Variants in PTPRT observed in about 807,000 individuals in gnomAD.
PTPRT encodes receptor-type tyrosine-protein phosphatase T.
In PTPRT, 56 loss-of-function variants were observed where a neutral mutation model predicts 176.8. The ratio of observed to expected loss-of-function variants is 0.32; its 90% CI spans 0.26 to 0.40. PTPRT has a LOEUF of 0.40. PTPRT is among the 10% of genes least tolerant of loss of function. PTPRT has a pLI of 1.00. For synonymous variants in PTPRT, 783 were observed against 739.0 expected (o/e 1.06, Z -0.96); for missense variants, 1,540 against 1,908.2 (o/e 0.81, Z 3.60).
chr20:43,165,695 G>A (rs1266204073), intron 1 of PTPRT, among the ~76,000 whole-genome samples: 1 of 152,162 alleles, frequency 6.6e-6, no homozygotes, highest in Non-Finnish European at 1.5e-5. Context: ...CAACAGTTTC[G>A]GCTTGGGGCT....
intron 23 of PTPRT, among the ~76,000 whole-genome samples, chr20:42,108,174 G>A (rs773158626): frequency 5.9e-5 from 9 of 152,088 alleles, no homozygotes; most frequent in South Asian, 2.1e-4. Context: ...CCTAGTGTCC[G>A]TTTGTTTGTT....
intron 1 of PTPRT, among the ~76,000 whole-genome samples, chr20:43,051,996 G>T (rs1490422355): frequency 6.6e-6 from 1 of 152,202 alleles, no homozygotes; most frequent in Non-Finnish European, 1.5e-5. Flanking sequence ...AAGAATAAAT[G>T]TGAATGAATG....
chr20:42,885,167 A>G (rs2079082537), intron 2 of PTPRT, among the ~76,000 whole-genome samples: 1 of 147,440 alleles, frequency 6.8e-6, no homozygotes, highest in Non-Finnish European at 1.5e-5. Flanking sequence ...ATAATAATAT[A>G]TTATATAATA....
chr20:43,033,270 T>C (rs1225365272), intron 1 of PTPRT, among the ~76,000 whole-genome samples: 1 of 152,198 alleles, frequency 6.6e-6, no homozygotes, highest in African/African-American at 2.4e-5. Context: ...TGGGTCTCTC[T>C]CCTGATGGTC....
intron 1 of PTPRT, among the ~76,000 whole-genome samples, chr20:43,065,230 CA>C (rs1987639053): frequency 6.6e-6 from 1 of 152,212 alleles, no homozygotes; most frequent in Non-Finnish European, 1.5e-5. Flanking sequence ...GTTCATGCCA[CA>C]GTCCAATATA....
rs558050301 is a variant in PTPRT at position 42,724,634 on chromosome 20, G to T, written c.859+31828C>A. Among the ~76,000 whole-genome samples the T allele has an allele frequency of 2.6e-5, 4 of 152,220 alleles. No individual in the cohort carries two copies. The East Asian group carries it at 7.7e-4, about 29-fold the overall frequency. On this transcript the variant is annotated intron_variant, in intron 6 of 30. Coordinates refer to ENST00000373187, the MANE Select transcript of PTPRT (RefSeq NM_007050.6). ...TTTCCTCAATTCTGCTCATATCCCT[G>T]TAAATAATCTCTTCATGCCTAGACA... is the stretch of plus-strand genomic sequence containing the variant.
intron 11 of PTPRT, among the ~76,000 whole-genome samples, 156 bp downstream of exon 11, chr20:42,350,472 T>C (rs2058266759): frequency 6.6e-6 from 1 of 152,160 alleles, no homozygotes; most frequent in Non-Finnish European, 1.5e-5. Flanking sequence ...GGGGCTCCCT[T>C]TGAACTGGGC....
intron 16 of PTPRT, among the ~76,000 whole-genome samples, chr20:42,170,391 C>A (rs79021269): frequency 6.6e-6 from 1 of 151,834 alleles, no homozygotes; most frequent in Non-Finnish European, 1.5e-5. Flanking sequence ...AAACGAAATG[C>A]GAGAAAAGAT....
intron 2 of PTPRT, among the ~76,000 whole-genome samples, chr20:42,846,709 C>G (rs1308327010): frequency 1.3e-5 from 2 of 152,160 alleles, no homozygotes; most frequent in Non-Finnish European, 2.9e-5. Context: ...CTCAGGAGCT[C>G]TGGTTTCCCA....
chr20:42,606,222 T>C (rs2073875082), intron 7 of PTPRT, among the ~76,000 whole-genome samples: 1 of 149,624 alleles, frequency 6.7e-6, no homozygotes, highest in Admixed American at 6.7e-5. Context: ...CCAAGATAAA[T>C]AGAACTGACC....
chr20:42,827,845 T>G (rs577641866), intron 2 of PTPRT, among the ~76,000 whole-genome samples: 21 of 152,170 alleles, frequency 1.4e-4, no homozygotes, highest in Non-Finnish European at 2.8e-4. Flanking sequence ...CTTCCGCCAT[T>G]ATTATAAGTT....
chr20:42,075,807 AG>A lies in PTPRT; in HGVS notation c.*5071del, dbSNP rs1173602921. ...GAGCTAGTGTGGCAATGGGGAGTGG[AG>A]GATGAATAAACATGATGGGTCAGAG... On this transcript the variant is annotated 3_prime_UTR_variant, in exon 31 of 31. Coordinates refer to ENST00000373187, the MANE Select transcript of PTPRT (RefSeq NM_007050.6). The A allele has an allele frequency of 4.9e-6, 1 of 203,650 alleles. No homozygotes were observed. Among genetic ancestry groups the A allele is most frequent in the Non-Finnish European group, 1.0e-5 (1 of 99,322 alleles). 12.6% of individuals were successfully genotyped at this position (203,650 alleles called of 1,614,324 possible).
chr20:42,453,113 T>C (rs1305426808), intron 8 of PTPRT, among the ~76,000 whole-genome samples: 1 of 152,226 alleles, frequency 6.6e-6, no homozygotes, highest in Admixed American at 6.5e-5. Flanking sequence ...ACAAGTCTTA[T>C]TCTTCTTTTG....
intron 2 of PTPRT, among the ~76,000 whole-genome samples, chr20:42,822,191 T>C (rs2077906905): frequency 6.6e-6 from 1 of 152,160 alleles, no homozygotes; most frequent in African/African-American, 2.4e-5. Context: ...ATGGTACCTG[T>C]ACCAAAACAG....
intron 6 of PTPRT, among the ~76,000 whole-genome samples, chr20:42,698,419 G>T (rs1227530780): frequency 1.3e-5 from 2 of 152,084 alleles, no homozygotes; most frequent in Admixed American, 6.6e-5. Flanking sequence ...AATGGCAAAC[G>T]CCTGGGTCCC....
At chr20:42,804,526 CTA>C (rs2077576925) in intron 2 of PTPRT, among the ~76,000 whole-genome samples, 1 of 152,232 alleles carries the variant, frequency 6.6e-6, no homozygotes, top group African/African-American at 2.4e-5. Flanking sequence ...AGAGGCAGCT[CTA>C]GTGCTGACAA....
chr20:42,717,268 C>T (rs1054716868), intron 6 of PTPRT, among the ~76,000 whole-genome samples: 4 of 145,872 alleles, frequency 2.7e-5, no homozygotes, highest in African/African-American at 1.0e-4. Context: ...AAAGCTATAA[C>T]AATTAAGACA....
intron 7 of PTPRT, among the ~76,000 whole-genome samples, chr20:42,542,682 T>C (rs2072604951): frequency 6.6e-6 from 1 of 152,208 alleles, no homozygotes. Context: ...TTCCTACTAA[T>C]ATACTCACAC....
intron 7 of PTPRT, among the ~76,000 whole-genome samples, chr20:42,609,721 G>A (rs528734289): frequency 3.9e-5 from 6 of 152,288 alleles, no homozygotes; most frequent in South Asian, 2.1e-4. Flanking sequence ...GGAACAGGGC[G>A]GCCCAGGGAT....
Sources: allele counts gnomAD v4.1 joint callset (sites outside exome capture counted in the v4.1 genomes callset), GRCh38; gene constraint gnomAD v4.1.1; transcripts MANE v1.5; gene names NCBI Gene and HGNC (gene_info 2026-07-23, HGNC 2026-07-21).